ZFR: variants seen among roughly 807,000 people sequenced by gnomAD.
ZFR encodes the protein zinc finger RNA-binding protein.
In ZFR, 19 loss-of-function variants were observed where a neutral mutation model predicts 130.7. That is an observed-to-expected ratio of 0.15 (90% CI 0.10 to 0.21). The LOEUF (loss-of-function observed/expected upper bound fraction) is 0.21. Ranked by LOEUF, ZFR falls within the 10% of genes least tolerant of loss-of-function variation. The pLI is 1.00. For synonymous variants in ZFR, 466 were observed against 456.9 expected (o/e 1.02, Z -0.25); for missense variants, 872 against 1,321.5 (o/e 0.66, Z 5.27).
At chr5:32,418,715 A>G (rs1355804050) in intron 3 of ZFR, among the ~76,000 whole-genome samples, 1 of 152,238 alleles carries the variant, frequency 6.6e-6, no homozygotes, top group Non-Finnish European at 1.5e-5. Flanking sequence ...AAATACTAAT[A>G]TTGTTGATTT....
chr5:32,385,549 A>G lies in ZFR; in HGVS notation c.2600T>C (p.Leu867Pro), dbSNP rs767395550. Residue 867 changes from leucine (L) to proline (P), a missense_variant, in exon 15 of 20, where the codon CTG becomes CCG. This residue lies in a region of ZFR where 158 missense variants were observed against 264.0 expected (regional missense o/e 0.60). Transcript: ENST00000265069. Reference protein sequence around the residue: ...VEPKMQVTITLTSPIIREENM... With the variant: ...VEPKMQVTITPTSPIIREENM... ...CTCTTCTCGAATAATTGGAGATGTC[A>G]GTGTGATAGTGACTTGCATTTTGGG... The G allele has an allele frequency of 1.2e-6, 2 of 1,613,460 alleles. No homozygotes were observed. The highest frequency in any genetic ancestry group is 1.7e-5 in the Admixed American group (1 of 60,010).
At chr5:32,405,955 G>A (rs1356066907) in intron 6 of ZFR, among the ~76,000 whole-genome samples, 1 of 152,216 alleles carries the variant, frequency 6.6e-6, no homozygotes, top group Non-Finnish European at 1.5e-5. Context: ...GTGTTACACA[G>A]GTAGGGCAAA....
intron 6 of ZFR, among the ~76,000 whole-genome samples, chr5:32,405,339 CT>C (rs1343986615): frequency 6.6e-6 from 1 of 152,228 alleles, no homozygotes; most frequent in Non-Finnish European, 1.5e-5. Flanking sequence ...TCAACTTACT[CT>C]TTTCCTTCTT....
intron 16 of ZFR, chr5:32,379,769 T>C (rs558147706): frequency 2.7e-4 from 64 of 234,744 alleles, no homozygotes; most frequent in African/African-American, 1.3e-3. Context: ...TTATGGAATA[T>C]AATATATATA....
At chr5:32,419,434 T>C (rs536567716) in intron 3 of ZFR, among the ~76,000 whole-genome samples, 58 of 152,272 alleles carry the variant, frequency 3.8e-4, no homozygotes, top group Non-Finnish European at 5.7e-4. Flanking sequence ...GCCTCCTGGA[T>C]TCAAGTGATT....
rs1350769372 is a variant in ZFR at position 32,420,082 on chromosome 5, T to C, written c.159A>G (p.Val53=). The change falls in exon 3 of 20, where the codon GTA becomes GTG. Residue 53 remains valine (V), a synonymous_variant. Transcript: ENST00000265069. The part of the protein sequence containing the change: ...AQYSQQPASG[V]AYSHPTTVAS... ...CAACTGTAGTTGGATGAGAATAGGC[T>C]ACACCCGAAGCTGGCTGCTGGCTAC... 1.3e-6 allele frequency: 2 copies of C among 1,588,840 alleles called. No individual in the cohort carries two copies. The highest frequency in any genetic ancestry group is 2.0e-4 in the Middle Eastern group (1 of 4,934).
In ZFR at chr5:32,403,932, G is replaced by C; in HGVS notation, c.1198C>G (p.His400Asp). The change falls in exon 7 of 20, where the codon CAC (histidine) becomes GAC (aspartate). Residue 400 changes from histidine to aspartate, a missense_variant. His to Asp is a moderately conservative substitution (Grantham distance 81). Transcript: ENST00000265069. ...SCTGADAYAA[H>D]IRGAKHQKVV... Reference sequence around the variant, plus strand: ...TTCTGATGCTTAGCACCACGAATGTGGGCAGCATACGCATCTGCTCCTGTA... The same window carrying C: ...TTCTGATGCTTAGCACCACGAATGTCGGCAGCATACGCATCTGCTCCTGTA... 6.3e-7 allele frequency: 1 copy of C among 1,595,018 alleles called. No homozygotes were observed. The highest frequency in any genetic ancestry group is 8.5e-7 in the Non-Finnish European group (1 of 1,170,278).
intron 5 of ZFR, among the ~76,000 whole-genome samples, chr5:32,407,729 A>T (rs1753607372): frequency 1.3e-5 from 2 of 152,196 alleles, no homozygotes; most frequent in Admixed American, 1.3e-4. Flanking sequence ...AAGATGAAAA[A>T]GCATTGTGTT....
intron 4 of ZFR, among the ~76,000 whole-genome samples, chr5:32,415,507 TGTGTGTGTGCGCGC>T (rs1419263393): frequency 9.6e-5 from 9 of 93,556 alleles, no homozygotes; most frequent in African/African-American, 4.7e-4. Flanking sequence ...TGTGTGTGTG[TGTGTGTGTGCGCGC>T]GCGCGCGCGC....
chr5:32,429,795 G>A (rs1168718056), intron 2 of ZFR, among the ~76,000 whole-genome samples: 2 of 151,940 alleles, frequency 1.3e-5, no homozygotes, highest in African/African-American at 2.4e-5. Context: ...GAGGCCAGGC[G>A]CAGTAGCTCA....
chr5:32,384,154 A>C (rs1419363098), intron 15 of ZFR, among the ~76,000 whole-genome samples: 2 of 152,234 alleles, frequency 1.3e-5, no homozygotes, highest in Non-Finnish European at 2.9e-5. Flanking sequence ...AAATAAAGTT[A>C]AATGGTTATC....
chr5:32,418,271 AG>A lies in ZFR; in HGVS notation c.421-480del, dbSNP rs778294285. On this transcript the variant is annotated intron_variant, in intron 3 of 19. Transcript: ENST00000265069. ...AGAGATTCTGCCTCAAAAAAAAAAA[AG>A]AAAAAAAAAAAATCAAAAGCATTTC... 6.6e-3 allele frequency among the ~76,000 whole-genome samples: 925 copies of A among 139,554 alleles called. 6 individuals carry two copies. The highest frequency in any genetic ancestry group is 9.1e-3 in the African/African-American group (348 of 38,236). 91.6% of individuals were successfully genotyped at this position (139,554 alleles called of 152,430 possible).
At chr5:32,396,076 A>C (rs543088880) in intron 10 of ZFR, among the ~76,000 whole-genome samples, 1 of 152,140 alleles carries the variant, frequency 6.6e-6, no homozygotes, top group East Asian at 1.9e-4. Context: ...AAAGCTAGCC[A>C]GGCATGGTGG....
chr5:32,427,084 C>T (rs1486179222), intron 2 of ZFR, among the ~76,000 whole-genome samples: 1 of 151,804 alleles, frequency 6.6e-6, no homozygotes, highest in Admixed American at 6.6e-5. Flanking sequence ...AATAAACAGG[C>T]AATTAAGAAA....
chr5:32,389,925 CG>C (rs1581691863), intron 12 of ZFR, among the ~76,000 whole-genome samples: 1 of 152,156 alleles, frequency 6.6e-6, no homozygotes, highest in East Asian at 1.9e-4. Context: ...CCCAGGCGGA[CG>C]GATCTCCTGA....
In ZFR at chr5:32,417,693, C is replaced by T. The variant is rs772512994; in HGVS notation, c.520G>A (p.Ala174Thr). 4 of 1,613,724 alleles carry T rather than the reference C, an allele frequency of 2.5e-6. No individual in the cohort carries two copies. Among genetic ancestry groups the T allele is most frequent in the Admixed American group, 1.7e-5 (1 of 59,996 alleles). The change falls in exon 4 of 20, where the codon GCT becomes ACT. Residue 174 changes from alanine to threonine, a missense_variant. Physicochemically the swap from Ala to Thr is moderately conservative, Grantham distance 58. Transcript: ENST00000265069. ...PTATAAAVAA[A>T]AQPQPSVAET... ...GCAACAGAAGGCTGAGGTTGGGCAG[C>T]GGCAGCTACAGCAGCAGCAGTTGCT...
intron 2 of ZFR, among the ~76,000 whole-genome samples, chr5:32,440,630 G>C (rs1754448803): frequency 6.7e-6 from 1 of 149,448 alleles, no homozygotes; most frequent in Non-Finnish European, 1.5e-5. Flanking sequence ...CTGGGTGACA[G>C]AAGGAGACTC....
intron 14 of ZFR, among the ~76,000 whole-genome samples, chr5:32,386,496 C>G (rs995336193): frequency 6.6e-6 from 1 of 152,096 alleles, no homozygotes; most frequent in Non-Finnish European, 1.5e-5. Context: ...CTAAGCACCA[C>G]AATTAGGATC....
At chr5:32,436,315 ATTTT>A (rs907748711) in intron 2 of ZFR, among the ~76,000 whole-genome samples, 2 of 144,350 alleles carry the variant, frequency 1.4e-5, no homozygotes, top group Non-Finnish European at 3.0e-5. Context: ...CGCCCGGCTG[ATTTT>A]TTTTTTTATT....
Sources: gnomAD v4.1 joint callset for allele counts (sites outside exome capture counted in the v4.1 genomes callset) on GRCh38, gnomAD v4.1.1 for gene constraint, gnomAD v4.1.1 regional missense constraint, MANE v1.5 for transcripts, NCBI Gene and HGNC (gene_info 2026-07-23, HGNC 2026-07-21) for gene names.